The following FXYD5 variants were observed in gnomAD, a reference collection of about 807,000 sequenced individuals.
The protein encoded by FXYD5 is FXYD domain containing ion transport regulator 5, also known as FXYD domain-containing ion transport regulator 5.
Under a neutral mutation model 25.7 loss-of-function variants are expected in FXYD5, and 21 were observed. The observed-to-expected ratio is 0.82, with a 90% CI of 0.58 to 1.18. The LOEUF is 1.18. Ranked by LOEUF, FXYD5 falls within the 50% of genes most tolerant of loss-of-function variation. The probability of loss-of-function intolerance (pLI) is 0.00; values close to 1 mark genes in which losing one functional copy is unlikely to be tolerated. For synonymous variants in FXYD5, 101 were observed against 90.7 expected (o/e 1.11, Z -0.64); for missense variants, 229 against 227.7 (o/e 1.01, Z -0.04).
At chr19:35,155,381 A>G in intron 1 of FXYD5, 170 bp from the exon 2 acceptor site, 2 of 630,794 alleles carry the variant, frequency 3.2e-6, no homozygotes, top group Non-Finnish European at 5.7e-6. Flanking sequence ...TGGTATCCCC[A>G]CCTAAGACCC....
intron 5 of FXYD5, 90 bp from the exon 6 acceptor site, chr19:35,164,066 G>A (rs1289919723): frequency 1.9e-6 from 3 of 1,596,996 alleles, no homozygotes; most frequent in East Asian, 4.6e-5. Context: ...TGGGAGAGGG[G>A]TTTCTTCCAG....
chr19:35,159,416 G>C, intron 4 of FXYD5: 4 of 1,479,044 alleles, frequency 2.7e-6, no homozygotes, highest in Non-Finnish European at 2.7e-6. Flanking sequence ...TTGTTCTGCA[G>C]CTTGCTTTGT....
chr19:35,156,498 G>A (rs1040363366), intron 2 of FXYD5, among the ~76,000 whole-genome samples: 1 of 152,194 alleles, frequency 6.6e-6, no homozygotes, highest in African/African-American at 2.4e-5. Flanking sequence ...TAGAGGTAAT[G>A]AGGATTGTTT....
intron 4 of FXYD5, 68 bp from the exon 5 acceptor site, chr19:35,160,641 C>T (rs555752306): frequency 5.1e-5 from 56 of 1,095,204 alleles, no homozygotes; most frequent in African/African-American, 3.5e-4. Flanking sequence ...CCACCGCGCC[C>T]GGCCCCAATT....
intron 5 of FXYD5, among the ~76,000 whole-genome samples, chr19:35,162,388 C>T (rs1345134755): frequency 6.6e-6 from 1 of 152,200 alleles, no homozygotes; most frequent in Non-Finnish European, 1.5e-5. Flanking sequence ...CAAAATACCA[C>T]AGACTGGATG....
chr19:35,155,395 C>T (rs1047452817), intron 1 of FXYD5, 156 bp from the exon 2 acceptor site: 17 of 661,860 alleles, frequency 2.6e-5, no homozygotes, highest in Non-Finnish European at 4.4e-5. Context: ...AAGACCCTCC[C>T]CTTTCCCCTG....
At chr19:35,166,210 G>A (rs771695248) in intron 7 of FXYD5, 39 bp downstream of exon 7, 1 of 1,611,692 alleles carries the variant, frequency 6.2e-7, no homozygotes, top group Non-Finnish European at 8.5e-7. Flanking sequence ...AAGGAAAGGT[G>A]AGGTCCGTCT....
rs1269242613 is a variant in FXYD5 at position 35,158,357 on chromosome 19, A to G, written c.156A>G (p.Thr52=). 6 of 1,608,214 alleles carry G rather than the reference A, an allele frequency of 3.7e-6. No homozygotes were observed. In the Admixed American group the frequency reaches 6.7e-5, roughly 18 times the overall value. The change falls in exon 4 of 9, where the codon ACA becomes ACG. Residue 52 remains threonine, a synonymous_variant. Coordinates refer to ENST00000392219, the MANE Select transcript of FXYD5 (RefSeq NM_014164.6). ...TCTGGACTCCAGATGCAGTCTACAC[A>G]GAACTCCAGCCCACCTCTCCAACCC... The part of the protein sequence containing the change: ...VPTRAPDAVY[T]ELQPTSPTPT...
intron 6 of FXYD5, among the ~76,000 whole-genome samples, chr19:35,165,181 A>G (rs1345097127): frequency 1.3e-5 from 2 of 152,248 alleles, no homozygotes; most frequent in African/African-American, 2.4e-5. Context: ...CAGAGAGTCC[A>G]TAGAGTTTAT....
At chr19:35,161,221 AACACACACAC>A (rs147168736) in intron 5 of FXYD5, among the ~76,000 whole-genome samples, 1 of 38,204 alleles carries the variant, frequency 2.6e-5, no homozygotes, top group Non-Finnish European at 5.4e-5. Flanking sequence ...ATTCACCTTA[AACACACACAC>A]ACACACACAC....
intron 2 of FXYD5, among the ~76,000 whole-genome samples, 195 bp from the exon 3 acceptor site, chr19:35,157,226 G>T (rs1054583884): frequency 5.9e-5 from 9 of 152,154 alleles, no homozygotes; most frequent in African/African-American, 1.7e-4. Flanking sequence ...GATGGGCGGG[G>T]AGGGGGACTA....
intron 5 of FXYD5, among the ~76,000 whole-genome samples, chr19:35,162,999 G>A (rs1463752959): frequency 6.6e-6 from 1 of 152,212 alleles, no homozygotes; most frequent in Admixed American, 6.5e-5. Context: ...ATCCTGTGTG[G>A]TGGGAACTGT....
At chr19:35,159,653 A>T (rs2065387589) in intron 4 of FXYD5, 1 of 1,548,022 alleles carries the variant, frequency 6.5e-7, no homozygotes. Context: ...TGGAATATGT[A>T]CTGACTATGT....
At chr19:35,165,720 A>G (rs2065444490) in intron 6 of FXYD5, among the ~76,000 whole-genome samples, 1 of 152,180 alleles carries the variant, frequency 6.6e-6, no homozygotes, top group Admixed American at 6.5e-5. Context: ...CATGACATCA[A>G]AAAGTGTCAG....
At chr19:35,165,074 G>A (rs983186589) in intron 6 of FXYD5, among the ~76,000 whole-genome samples, 3 of 150,156 alleles carry the variant, frequency 2.0e-5, no homozygotes, top group African/African-American at 7.4e-5. Context: ...TGTTCCAGTG[G>A]GCATTTCCTT....
At chr19:35,160,586 T>A in intron 4 of FXYD5, 123 bp from the exon 5 acceptor site, 1 of 688,228 alleles carries the variant, frequency 1.5e-6, no homozygotes, top group South Asian at 1.6e-5. Flanking sequence ...CCTAAGGTAA[T>A]CTGCCCGCCT....
At chr19:35,159,395 A>G (rs2065385074) in intron 4 of FXYD5, 1 of 1,380,306 alleles carries the variant, frequency 7.2e-7, no homozygotes, top group Admixed American at 2.6e-5. Flanking sequence ...GAGCTTAAGG[A>G]GACCTTATGA....
At chr19:35,169,436 A>C in intron 8 of FXYD5, 130 bp from the exon 9 acceptor site, 1 of 688,250 alleles carries the variant, frequency 1.5e-6, no homozygotes. Flanking sequence ...TTTCTCCATC[A>C]TTTGTTTATG....
At chr19:35,169,376 G>A (rs576485298) in intron 8 of FXYD5, among the ~76,000 whole-genome samples, 190 bp from the exon 9 acceptor site, 13 of 151,884 alleles carry the variant, frequency 8.6e-5, no homozygotes, top group African/African-American at 2.9e-4. Context: ...CTGTGAGCCT[G>A]TGTGGGAAGG....
Sources: gnomAD v4.1 joint callset for allele counts (sites outside exome capture counted in the v4.1 genomes callset) on GRCh38, gnomAD v4.1.1 for gene constraint, MANE v1.5 for transcripts, NCBI Gene and HGNC (gene_info 2026-07-23, HGNC 2026-07-21) for gene names.